Variants in HSPA1L observed in about 807,000 individuals in gnomAD.
The protein encoded by HSPA1L is heat shock 70 kDa protein 1-like.
Under a neutral mutation model 31.5 loss-of-function variants are expected in HSPA1L, and 21 were observed. That is an observed-to-expected ratio of 0.67 (90% CI 0.47 to 0.96). HSPA1L has a LOEUF of 0.96. HSPA1L is among the 40% of genes least tolerant of loss of function. The pLI is 0.00. For synonymous variants in HSPA1L, 293 were observed against 323.1 expected (o/e 0.91, Z 1.00); for missense variants, 709 against 813.4 (o/e 0.87, Z 1.56).
In HSPA1L at chr6:31,811,455, CTTA is replaced by C. The variant is rs750447828; in HGVS notation, c.515_517del (p.Leu172del). The C allele has an allele frequency of 2.1e-4, 347 of 1,614,062 alleles. No individual in the cohort carries two copies. Among genetic ancestry groups the C allele is most frequent in the Non-Finnish European group, 2.8e-4 (336 of 1,180,046 alleles). ...AGCAGCCGTGGGCTCATTGATGATT[CTTA>C]GCACATTAAGTCCAGCAATCACACC... is the stretch of plus-strand genomic sequence containing the variant. On this transcript the variant is annotated inframe_deletion, in exon 2 of 2. Coordinates refer to ENST00000375654, the MANE Select transcript of HSPA1L (RefSeq NM_005527.4).
Position 31,815,000 on chromosome 6 carries a change from C to G in HSPA1L, c.-125G>C, listed in dbSNP as rs1198752371. 21 of 236,988 alleles carry G rather than the reference C, an allele frequency of 8.9e-5. No homozygotes were observed. Among genetic ancestry groups the G allele is most frequent in the Admixed American group, 1.5e-4 (2 of 13,432 alleles). 14.7% of individuals were successfully genotyped at this position (236,988 alleles called of 1,614,324 possible). On this transcript the variant is annotated 5_prime_UTR_variant, in exon 1 of 2. Coordinates refer to ENST00000375654, the MANE Select transcript of HSPA1L (RefSeq NM_005527.4). ...CTGCACAACCGGGGTCCCCCCACCC[C>G]CCACCCCGTCCCTCCCTGCAAATTT...
Position 31,814,879 on chromosome 6 carries a change from A to G in HSPA1L, c.-14+10T>C. 2.0e-5 allele frequency: 20 copies of G among 984,850 alleles called. No individual in the cohort carries two copies. The highest frequency in any genetic ancestry group is 2.3e-5 in the Non-Finnish European group (19 of 829,442). 61.0% of individuals were successfully genotyped at this position (984,850 alleles called of 1,614,324 possible). On this transcript the variant is annotated intron_variant, in intron 1 of 1. Transcript: ENST00000375654. The stretch of plus-strand genomic sequence containing the variant: ...CAGGTTCACAATCAATCAGATCCCT[A>G]CTGGCTCACCTAGTCTCCCGACGCC...
chr6:31,810,981 G>A lies in HSPA1L; in HGVS notation c.992C>T (p.Ala331Val), dbSNP rs1369822811. The A allele has an allele frequency of 6.2e-7, 1 of 1,614,046 alleles. No individual in the cohort carries two copies. The highest frequency in any genetic ancestry group is 1.3e-5 in the African/African-American group (1 of 74,910). ...KALRDAKMDK[A>V]KIHDIVLVGG... is the part of the protein sequence containing the mutation. ...TACTAAAACAATGTCATGGATTTTA[G>A]CCTTATCCATCTTGGCATCCCGAAG... is the stretch of plus-strand genomic sequence containing the variant. Residue 331 changes from alanine to valine, a missense_variant, in exon 2 of 2, where the codon GCT (alanine) becomes GTT (valine). Transcript: ENST00000375654.
chr6:31,810,882 C>T lies in HSPA1L; in HGVS notation c.1091G>A (p.Ser364Asn), dbSNP rs1460288819. ...TGCTACGGCCTCATCAGGGTTGATGCTCTTGTTGAGATCACGTCCATTGAA... is the reference window on the plus strand; with the variant it reads ...TGCTACGGCCTCATCAGGGTTGATGTTCTTGTTGAGATCACGTCCATTGAA... ...DYFNGRDLNK[S>N]INPDEAVAYG... The change falls in exon 2 of 2, where the codon AGC (serine) becomes AAC (asparagine). Residue 364 changes from serine to asparagine, a missense_variant. Coordinates refer to ENST00000375654, the MANE Select transcript of HSPA1L (RefSeq NM_005527.4). 4.3e-6 allele frequency: 7 copies of T among 1,614,058 alleles called. No individual in the cohort carries two copies. The highest frequency in any genetic ancestry group is 2.2e-5 in the East Asian group (1 of 44,902).
Position 31,810,492 on chromosome 6 carries a change from T to A in HSPA1L, c.1481A>T (p.Asp494Val). 1 of 1,613,606 alleles carries A rather than the reference T, an allele frequency of 6.2e-7. No individual in the cohort carries two copies. Among genetic ancestry groups the A allele is most frequent in the Non-Finnish European group, 8.5e-7 (1 of 1,179,798 alleles). ...ANGILNVTATDKSTGKVNKIT... is the reference protein window; with the variant it reads ...ANGILNVTATVKSTGKVNKIT... ...CTTGTTCACCTTGCCGGTGCTCTTG[T>A]CCGTGGCTGTGACATTGAGAATACC... Residue 494 changes from aspartate to valine, a missense_variant, in exon 2 of 2, where the codon GAC becomes GTC. Coordinates refer to ENST00000375654, the MANE Select transcript of HSPA1L (RefSeq NM_005527.4).
In HSPA1L at chr6:31,811,949, G is replaced by A; in HGVS notation, c.24C>T (p.Ala8=). ...AGGTGGTGCCCAGGTCGATGCCTAT[G>A]GCGATTCCCTTGGCAGTAGCCATGG... MATAKGI[A]IGIDLGTTYS... is the part of the protein sequence containing the mutation. Residue 8 remains alanine, a synonymous_variant, in exon 2 of 2, where the codon GCC becomes GCT. Coordinates refer to ENST00000375654, the MANE Select transcript of HSPA1L (RefSeq NM_005527.4). The A allele has an allele frequency of 6.2e-7, 1 of 1,614,200 alleles. No individual in the cohort carries two copies. The highest frequency in any genetic ancestry group is 1.3e-5 in the African/African-American group (1 of 75,070).
rs1815301119 is a variant in HSPA1L at position 31,810,105 on chromosome 6, C to G, written c.1868G>C (p.Gly623Ala). Residue 623 changes from glycine (G) to alanine (A), a missense_variant, in exon 2 of 2, where the codon GGA (glycine) becomes GCA (alanine). Transcript: ENST00000375654. ...AGGCCTTCCAGGCACATACCCTGTT[C>G]CGCAGGCAGGCCCAGTGCATCCTCC... ...YQGGCTGPACGTGYVPGRPAT... is the reference protein window; with the variant it reads ...YQGGCTGPACATGYVPGRPAT... 8 of 1,486,534 alleles carry G rather than the reference C, an allele frequency of 5.4e-6. No homozygotes were observed. Among genetic ancestry groups the G allele is most frequent in the African/African-American group, 1.4e-5 (1 of 70,616 alleles). 92.1% of individuals were successfully genotyped at this position (1,486,534 alleles called of 1,614,324 possible).
At chr6:31,814,736 A>C (rs1372644147) in intron 1 of HSPA1L, among the ~76,000 whole-genome samples, 153 bp downstream of exon 1, 1 of 146,562 alleles carries the variant, frequency 6.8e-6, no homozygotes, top group African/African-American at 2.5e-5. Flanking sequence ...ATCTGAAGCC[A>C]TCTTAGCTTT....
rs749424447 is a variant in HSPA1L, at chr6:31,811,256, A to C, written c.717T>G (p.Leu239=). ...TGAACTCCTCCACGAAGTGGCTCACAAGCCTGTTGTCAAAGTCCTCCCCAC... is the reference window on the plus strand; with the variant it reads ...TGAACTCCTCCACGAAGTGGCTCACCAGCCTGTTGTCAAAGTCCTCCCCAC... ...HLGGEDFDNR[L]VSHFVEEFKR... Residue 239 remains leucine, a synonymous_variant, in exon 2 of 2, where the codon CTT becomes CTG. Coordinates refer to ENST00000375654, the MANE Select transcript of HSPA1L (RefSeq NM_005527.4). 3 of 1,614,088 alleles carry C rather than the reference A, an allele frequency of 1.9e-6. No individual in the cohort carries two copies. The highest frequency in any genetic ancestry group is 1.6e-4 in the Middle Eastern group (1 of 6,062).
chr6:31,814,918 G>C lies in HSPA1L; in HGVS notation c.-43C>G. ...TCTCCCGACGCCTTCGCTTCAGTTT[G>C]GAAACGTCCAGATTACGCAGCCCCA... On this transcript the variant is annotated 5_prime_UTR_variant, in exon 1 of 2. Coordinates refer to ENST00000375654, the MANE Select transcript of HSPA1L (RefSeq NM_005527.4). The C allele has an allele frequency of 1.0e-6, 1 of 985,642 alleles. No homozygotes were observed. The highest frequency in any genetic ancestry group is 1.2e-6 in the Non-Finnish European group (1 of 830,152). 61.1% of individuals were successfully genotyped at this position (985,642 alleles called of 1,614,324 possible).
rs546676852 is a variant in HSPA1L at position 31,811,045 on chromosome 6, C to G, written c.928G>C (p.Asp310His). ...GGCTCCAGGGTACCCCTAAACAGGT[C>G]TGCACACAACTCTTCAAATCGAGCT... is the stretch of plus-strand genomic sequence containing the variant. ...TRARFEELCA[D>H]LFRGTLEPVE... The change falls in exon 2 of 2, where the codon GAC becomes CAC. Residue 310 changes from aspartate (D) to histidine (H), a missense_variant. Asp to His is a moderately conservative substitution (Grantham distance 81, BLOSUM62 -1). Coordinates refer to ENST00000375654, the MANE Select transcript of HSPA1L (RefSeq NM_005527.4). The G allele has an allele frequency of 2.0e-5, 32 of 1,614,104 alleles. No individual in the cohort carries two copies. Among genetic ancestry groups the G allele is most frequent in the African/African-American group, 2.7e-5 (2 of 74,936 alleles).
chr6:31,812,544 T>C (rs1225546360), intron 1 of HSPA1L, among the ~76,000 whole-genome samples: 1 of 152,028 alleles, frequency 6.6e-6, no homozygotes, highest in Non-Finnish European at 1.5e-5. Flanking sequence ...GGTCTCAAAC[T>C]CCTTCAGGGC....
chr6:31,810,744 C>T lies in HSPA1L; in HGVS notation c.1229G>A (p.Gly410Asp), dbSNP rs770435641. The T allele has an allele frequency of 1.6e-5, 26 of 1,614,062 alleles. No homozygotes were observed. The highest frequency in any genetic ancestry group is 1.9e-5 in the Non-Finnish European group (23 of 1,180,002). The change falls in exon 2 of 2, where the codon GGC becomes GAC. Residue 410 changes from glycine (G) to aspartate (D), a missense_variant. By Grantham distance (94) the Gly-to-Asp change is moderately conservative. Transcript: ENST00000375654. ...PLSLGLETAGGVMTALIKRNS... is the reference protein window; with the variant it reads ...PLSLGLETAGDVMTALIKRNS... ...GCGCTTTATCAGGGCAGTCATCACG[C>T]CCCCAGCCGTCTCCAGCCCCAGGGA...
Position 31,810,100 on chromosome 6 carries a change from C to T in HSPA1L, c.1873G>A (p.Gly625Arg). 6.7e-7 allele frequency: 1 copy of T among 1,482,818 alleles called. No individual in the cohort carries two copies. The highest frequency in any genetic ancestry group is 8.9e-7 in the Non-Finnish European group (1 of 1,120,670). 91.9% of individuals were successfully genotyped at this position (1,482,818 alleles called of 1,614,324 possible). A position where few individuals can be genotyped will look rare whatever the true frequency, so the allele number is the denominator to read the frequency against. The change falls in exon 2 of 2, where the codon GGG (glycine) becomes AGG (arginine). Residue 625 changes from glycine (G) to arginine (R), a missense_variant. Coordinates refer to ENST00000375654, the MANE Select transcript of HSPA1L (RefSeq NM_005527.4). ...GGCTGPACGT[G>R]YVPGRPATGP... ...GTGGCAGGCCTTCCAGGCACATACC[C>T]TGTTCCGCAGGCAGGCCCAGTGCAT...
At position 31,811,707 on chromosome 6, in the gene HSPA1L, A is replaced by G; in HGVS notation, c.266T>C (p.Met89Thr). Residue 89 changes from methionine to threonine, a missense_variant, in exon 2 of 2, where the codon ATG becomes ACG. Met to Thr is a moderately conservative substitution (Grantham distance 81). Transcript: ENST00000375654. Reference protein sequence around the residue: ...KFNDPVVQADMKLWPFQVINE... With the variant: ...KFNDPVVQADTKLWPFQVINE... The stretch of plus-strand genomic sequence containing the variant: ...AATCACTTGAAAAGGCCAAAGTTTC[A>G]TATCTGCTTGTACAACAGGATCATT... The G allele has an allele frequency of 4.3e-6, 7 of 1,614,222 alleles. No homozygotes were observed. The highest frequency in any genetic ancestry group is 1.1e-5 in the South Asian group (1 of 91,084).
rs775847117 is a variant in HSPA1L at position 31,809,997 on chromosome 6, G to A, written c.*50C>T. On this transcript the variant is annotated 3_prime_UTR_variant, in exon 2 of 2. Transcript: ENST00000375654. ...TAATAATGATGTTTGAAGATGAGGG[G>A]AATGAAATACATGTAGAGGCATCCT... 7.1e-5 allele frequency: 92 copies of A among 1,299,134 alleles called. No individual in the cohort carries two copies. The highest frequency in any genetic ancestry group is 8.7e-5 in the Non-Finnish European group (87 of 998,010). The allele number at this position is 1,299,134 out of a possible 1,614,324, so 80.5% of individuals were successfully genotyped here.
Position 31,811,797 on chromosome 6 carries a change from T to G in HSPA1L, c.176A>C (p.Asn59Thr). 6.2e-7 allele frequency: 1 copy of G among 1,614,156 alleles called. No individual in the cohort carries two copies. The highest frequency in any genetic ancestry group is 2.2e-5 in the East Asian group (1 of 44,890). Reference sequence around the variant, plus strand: ...GTTCTGGGGATTCATTGCTACCTGGTTCTTGGCCGCATCCCCAATGAGCCG... The same window carrying G: ...GTTCTGGGGATTCATTGCTACCTGGGTCTTGGCCGCATCCCCAATGAGCCG... ...TERLIGDAAKNQVAMNPQNTV... is the reference protein window; with the variant it reads ...TERLIGDAAKTQVAMNPQNTV... Residue 59 changes from asparagine to threonine, a missense_variant, in exon 2 of 2, where the codon AAC (asparagine) becomes ACC (threonine). Asn to Thr is a moderately conservative substitution (Grantham distance 65). Transcript: ENST00000375654.
At chr6:31,813,450 G>A (rs964874753) in intron 1 of HSPA1L, among the ~76,000 whole-genome samples, 7 of 152,200 alleles carry the variant, frequency 4.6e-5, no homozygotes, top group Middle Eastern at 6.8e-3. Flanking sequence ...GACTACAGGC[G>A]TGCACTGCCA....
rs376940279 is a variant in HSPA1L at position 31,811,985 on chromosome 6, C to T, written c.-13G>A. ...TGGCAGTAGCCATGGTTCTCTGAGG[C>T]CTATGGAGAAAGAATAAGATACTGT... On this transcript the variant is annotated splice_region_variant and 5_prime_UTR_variant, in exon 2 of 2. Coordinates refer to ENST00000375654, the MANE Select transcript of HSPA1L (RefSeq NM_005527.4). 1 of 1,612,490 alleles carries T rather than the reference C, an allele frequency of 6.2e-7. No homozygotes were observed. The highest frequency in any genetic ancestry group is 8.5e-7 in the Non-Finnish European group (1 of 1,179,226).
Sources: gnomAD v4.1 joint callset for allele counts (sites outside exome capture counted in the v4.1 genomes callset) on GRCh38, gnomAD v4.1.1 for gene constraint, MANE v1.5 for transcripts, NCBI Gene and HGNC (gene_info 2026-07-23, HGNC 2026-07-21) for gene names.